Variants in SLC14A2 observed in about 807,000 individuals in gnomAD.
The protein encoded by SLC14A2 is solute carrier family 14 member 2.
A neutral mutation model predicts 104.6 loss-of-function variants in SLC14A2; 91 were observed. The observed-to-expected ratio is 0.87, with a 90% CI of 0.73 to 1.04. The LOEUF (loss-of-function observed/expected upper bound fraction) is 1.04. Ranked by LOEUF, SLC14A2 falls within the 50% of genes least tolerant of loss-of-function variation. The probability of loss-of-function intolerance (pLI) is 0.00; values close to 1 mark genes in which losing one functional copy is unlikely to be tolerated. For synonymous variants in SLC14A2, 476 were observed against 466.4 expected (o/e 1.02, Z -0.27); for missense variants, 1,189 against 1,156.0 (o/e 1.03, Z -0.41).
chr18:45,307,087 A>T (rs1297540001), intron 1 of SLC14A2, among the ~76,000 whole-genome samples: 1 of 152,104 alleles, frequency 6.6e-6, no homozygotes, highest in Admixed American at 6.6e-5. Flanking sequence ...CATCTTCTTG[A>T]GGGCATCAGT....
At chr18:45,427,613 G>C (rs1381310931) in intron 1 of SLC14A2, among the ~76,000 whole-genome samples, 1 of 152,120 alleles carries the variant, frequency 6.6e-6, no homozygotes, top group East Asian at 1.9e-4. Flanking sequence ...TGTGTGACCA[G>C]GAAAGTCCCT....
chr18:45,453,004 C>T (rs1461051807), intron 1 of SLC14A2, among the ~76,000 whole-genome samples: 2 of 152,162 alleles, frequency 1.3e-5, no homozygotes, highest in African/African-American at 2.4e-5. Flanking sequence ...TGTTCAACCC[C>T]GGACATCTTA....
chr18:45,243,179 C>A (rs533723400), intron 1 of SLC14A2, among the ~76,000 whole-genome samples: 1 of 152,298 alleles, frequency 6.6e-6, no homozygotes, highest in Admixed American at 6.5e-5. Flanking sequence ...TAAGGCCAGG[C>A]ACATTCAGTG....
At chr18:45,678,194 T>C (rs1309648581) in intron 18 of SLC14A2, among the ~76,000 whole-genome samples, 1 of 152,186 alleles carries the variant, frequency 6.6e-6, no homozygotes, top group Non-Finnish European at 1.5e-5. Flanking sequence ...CTTCTCCAAC[T>C]GAAATATAGG....
At chr18:45,640,863 T>C (rs16978434) in intron 7 of SLC14A2, among the ~76,000 whole-genome samples, 6,346 of 152,290 alleles carry the variant, frequency 0.042, 446 homozygotes, top group African/African-American at 0.14. Context: ...TAAAAATATT[T>C]GTTTAACTCT....
chr18:45,361,967 G>A (rs1233147187), intron 1 of SLC14A2, among the ~76,000 whole-genome samples: 1 of 152,170 alleles, frequency 6.6e-6, no homozygotes, highest in African/African-American at 2.4e-5. Flanking sequence ...ATATGGTTGG[G>A]CTCTGTGTTC....
intron 2 of SLC14A2, among the ~76,000 whole-genome samples, chr18:45,495,366 T>C (rs887818799): frequency 6.6e-6 from 1 of 152,168 alleles, no homozygotes; most frequent in Non-Finnish European, 1.5e-5. Context: ...CAAAGCATTG[T>C]TTATAAGATC....
At chr18:45,301,950 C>G (rs1479580362) in intron 1 of SLC14A2, among the ~76,000 whole-genome samples, 2 of 152,160 alleles carry the variant, frequency 1.3e-5, no homozygotes, top group Non-Finnish European at 2.9e-5. Context: ...GAAATTCCAC[C>G]CTAGAGTCAC....
At chr18:45,466,022 G>T (rs1009030928) in intron 1 of SLC14A2, among the ~76,000 whole-genome samples, 3 of 152,104 alleles carry the variant, frequency 2.0e-5, no homozygotes, top group Admixed American at 2.0e-4. Flanking sequence ...TTAAACTATA[G>T]ATTTTATCAG....
At chr18:45,461,748 G>T (rs142550992) in intron 1 of SLC14A2, among the ~76,000 whole-genome samples, 1 of 152,158 alleles carries the variant, frequency 6.6e-6, no homozygotes, top group African/African-American at 2.4e-5. Flanking sequence ...AAATTGCATC[G>T]TTTGAGCATA....
the SLC14A2 span, among the ~76,000 whole-genome samples, chr18:45,195,375 C>T: frequency 2.0e-5 from 3 of 151,852 alleles, no homozygotes; most frequent in Non-Finnish European, 4.4e-5. Flanking sequence ...AAGCAGATAC[C>T]AAATGATTGG....
rs545988359 is a variant in SLC14A2 at position 45,500,280 on chromosome 18, T to C, written c.-35+16958T>C. Among the ~76,000 whole-genome samples, 3 of 152,234 alleles carry C rather than the reference T, an allele frequency of 2.0e-5. No homozygotes were observed. In the East Asian group the frequency reaches 5.8e-4, roughly 30 times the overall value. ...AAATACTTTCTTGAAATCCTTGACT[T>C]GAAATCCTGCCCTTAGGCCGGGCGC... On this transcript the variant is annotated intron_variant, in intron 2 of 20. Transcript: ENST00000586448.
At chr18:45,462,202 T>G (rs1011859652) in intron 1 of SLC14A2, among the ~76,000 whole-genome samples, 1 of 152,222 alleles carries the variant, frequency 6.6e-6, no homozygotes, top group African/African-American at 2.4e-5. Context: ...TTCATACTAC[T>G]CTATAAATCT....
intron 2 of SLC14A2, among the ~76,000 whole-genome samples, chr18:45,578,942 G>T (rs1185170297): frequency 6.6e-6 from 1 of 152,248 alleles, no homozygotes; most frequent in Non-Finnish European, 1.5e-5. Context: ...TCAGCTACCA[G>T]TTGGCTTTGC....
In SLC14A2 at chr18:45,668,001, C is replaced by A. The variant is rs1476157927; in HGVS notation, c.1886C>A (p.Ala629Asp). The A allele has an allele frequency of 5.6e-6, 9 of 1,613,988 alleles. No homozygotes were observed. Among genetic ancestry groups the A allele is most frequent in the African/African-American group, 2.7e-5 (2 of 74,914 alleles). The stretch of plus-strand genomic sequence containing the variant: ...GGTACCATCATGTCCACCTTGACAG[C>A]CCTCATCCTGAGTCAGGACAAGTAA... ...CLGTIMSTLT[A>D]LILSQDKSAI... Residue 629 changes from alanine (A) to aspartate (D), a missense_variant, in exon 14 of 20, where the codon GCC becomes GAC. Physicochemically the swap from Ala to Asp is moderately radical, Grantham distance 126. Transcript: ENST00000255226.
At chr18:45,606,953 G>A (rs2044882251) in intron 2 of SLC14A2, among the ~76,000 whole-genome samples, 1 of 152,052 alleles carries the variant, frequency 6.6e-6, no homozygotes, top group Admixed American at 6.5e-5. Context: ...TGGAGGGCAG[G>A]AATCATGTAT....
chr18:45,666,088 C>A, intron 11 of SLC14A2, 49 bp from the exon 12 acceptor site: 2 of 1,289,454 alleles, frequency 1.6e-6, no homozygotes, highest in Non-Finnish European at 2.3e-6. Flanking sequence ...TTCTGAGGTG[C>A]CAGAGTAGAG....
chr18:45,523,640 T>G (rs997117755), intron 2 of SLC14A2, among the ~76,000 whole-genome samples: 1 of 151,558 alleles, frequency 6.6e-6, no homozygotes, highest in African/African-American at 2.4e-5. Flanking sequence ...CAGCCACTAG[T>G]TATCATTCTT....
At chr18:45,269,659 G>A (rs184742262) in intron 1 of SLC14A2, among the ~76,000 whole-genome samples, 59 of 152,180 alleles carry the variant, frequency 3.9e-4, no homozygotes, top group Non-Finnish European at 6.6e-4. Context: ...ATAATTGCGC[G>A]TACTATGTGC....
Sources: gnomAD v4.1 joint callset for allele counts (sites outside exome capture counted in the v4.1 genomes callset) on GRCh38, gnomAD v4.1.1 for gene constraint, MANE v1.5 for transcripts, NCBI Gene and HGNC (gene_info 2026-07-23, HGNC 2026-07-21) for gene names.